Variants in ZNF562 observed in about 807,000 individuals in gnomAD.
ZNF562 encodes the protein zinc finger protein 562.
A neutral mutation model predicts 17.5 loss-of-function variants in ZNF562; 13 were observed. The ratio of observed to expected loss-of-function variants is 0.74; its 90% CI spans 0.48 to 1.18. The LOEUF (loss-of-function observed/expected upper bound fraction) is 1.18. ZNF562 is among the 50% of genes most tolerant of loss of function. The pLI, the probability that ZNF562 is intolerant of heterozygous loss-of-function variation, is 0.00. For missense variants in ZNF562, 481 were observed against 498.5 expected, an observed-to-expected ratio of 0.96 and a Z score of 0.33; for synonymous variants, 163 against 165.4, an observed-to-expected ratio of 0.99 and a Z score of 0.11.
At chr19:9,672,571 C>G (rs1342911602) in intron 1 of ZNF562, among the ~76,000 whole-genome samples, 1 of 151,948 alleles carries the variant, frequency 6.6e-6, no homozygotes, top group Non-Finnish European at 1.5e-5. Context: ...CAAACATGCT[C>G]TTAATAAATT....
intron 5 of ZNF562, 47 bp from the exon 6 acceptor site, chr19:9,653,928 G>T (rs372967021): frequency 2.4e-4 from 346 of 1,471,572 alleles, no homozygotes; most frequent in Non-Finnish European, 2.9e-4. Context: ...CATATTAAGA[G>T]ATTTCACCCA....
rs2043949657 is a variant in ZNF562 at position 9,666,210 on chromosome 19, C to T, written c.-130-5336G>A. 1.3e-5 allele frequency among the ~76,000 whole-genome samples: 2 copies of T among 151,292 alleles called. 1 individual carries two copies. Among genetic ancestry groups the T allele is most frequent in the South Asian group, 4.2e-4 (2 of 4,792 alleles). On this transcript the variant is annotated intron_variant, in intron 1 of 5. Coordinates refer to ENST00000453372, the MANE Select transcript of ZNF562 (RefSeq NM_001130031.2). Reference sequence around the variant, plus strand: ...ATGGTGGTGCATGCCTGTAATCCCACTACTCGGGAGGCTGAAGCAGGAGAA... The same window carrying T: ...ATGGTGGTGCATGCCTGTAATCCCATTACTCGGGAGGCTGAAGCAGGAGAA...
intron 1 of ZNF562, among the ~76,000 whole-genome samples, chr19:9,671,745 C>T (rs118046014): frequency 0.017 from 2,602 of 152,328 alleles, 33 homozygotes; most frequent in Non-Finnish European, 0.026. Context: ...CCGGCATGCA[C>T]CAACAGAAGA....
intron 5 of ZNF562, among the ~76,000 whole-genome samples, chr19:9,655,635 G>T (rs548043355): frequency 3.7e-4 from 56 of 149,422 alleles, no homozygotes; most frequent in Non-Finnish European, 7.4e-4. Flanking sequence ...GGTCAGGCTG[G>T]TCTCAAAGTG....
At chr19:9,662,738 G>C (rs1160380622) in intron 1 of ZNF562, among the ~76,000 whole-genome samples, 1 of 151,928 alleles carries the variant, frequency 6.6e-6, no homozygotes, top group African/African-American at 2.4e-5. Flanking sequence ...AAATTAGCCA[G>C]TTGTGGTGTT....
rs976223492 is a variant in ZNF562, at chr19:9,642,013, G to A, written c.*10936C>T. Reference sequence around the variant, plus strand: ...AGGATGTTACAAAGTACATTCACAAGGGCGGGGAGGGTGTATCATCACAAG... The same window carrying A: ...AGGATGTTACAAAGTACATTCACAAAGGCGGGGAGGGTGTATCATCACAAG... On this transcript the variant is annotated 3_prime_UTR_variant, in exon 6 of 6. Coordinates refer to ENST00000453372, the MANE Select transcript of ZNF562 (RefSeq NM_001130031.2). 4 of 151,746 alleles carry A rather than the reference G, an allele frequency of 2.6e-5. No individual in the cohort carries two copies. The highest frequency in any genetic ancestry group is 9.7e-5 in the African/African-American group (4 of 41,268). 9.4% of individuals were successfully genotyped at this position (151,746 alleles called of 1,614,324 possible). A position where few individuals can be genotyped will look rare whatever the true frequency, so the allele number is the denominator to read the frequency against.
At position 9,643,139 on chromosome 19, in the gene ZNF562, G is replaced by T. The variant is rs1353937487; in HGVS notation, c.*9810C>A. Reference sequence around the variant, plus strand: ...GGTTGAATCAGGCTGAATCAGGGGGGTCTCAGGAGTTCAAGACCATCCTGG... The same window carrying T: ...GGTTGAATCAGGCTGAATCAGGGGGTTCTCAGGAGTTCAAGACCATCCTGG... On this transcript the variant is annotated 3_prime_UTR_variant, in exon 6 of 6. Coordinates refer to ENST00000453372, the MANE Select transcript of ZNF562 (RefSeq NM_001130031.2). The T allele has an allele frequency of 1.3e-5, 2 of 151,822 alleles. No homozygotes were observed. The highest frequency in any genetic ancestry group is 6.6e-5 in the Admixed American group (1 of 15,220). 9.4% of individuals were successfully genotyped at this position (151,822 alleles called of 1,614,324 possible).
At chr19:9,665,219 T>TAA (rs1175383402) in intron 1 of ZNF562, among the ~76,000 whole-genome samples, 3,363 of 109,410 alleles carry the variant, frequency 0.031, 130 homozygotes, top group African/African-American at 0.1. Flanking sequence ...AGACTCTGTC[T>TAA]AAAAAAAAAA....
rs765727978 is a variant in ZNF562, at chr19:9,653,682, T to C, written c.548A>G (p.Lys183Arg). Residue 183 changes from lysine (K) to arginine (R), a missense_variant, in exon 6 of 6, where the codon AAA (lysine) becomes AGA (arginine). Around this residue, in one of 2 missense-constraint regions of ZNF562, gnomAD observed 403 missense variants for 386.4 expected, o/e 1.04. Transcript: ENST00000453372. ...QELSKFNPCG[K>R]VFTLTPGLAV... is the part of the protein sequence containing the mutation. ...AAGGCCTGGAGTTAAGGTGAAGACT[T>C]TTCCACATGGATTAAATTTGGAAAG... 1 of 1,614,102 alleles carries C rather than the reference T, an allele frequency of 6.2e-7. No individual in the cohort carries two copies.
chr19:9,671,938 A>G (rs1568284684), intron 1 of ZNF562, among the ~76,000 whole-genome samples: 1 of 152,244 alleles, frequency 6.6e-6, no homozygotes, highest in Non-Finnish European at 1.5e-5. Context: ...TGGTCCCCAA[A>G]GCATGAAGTA....
intron 4 of ZNF562, 141 bp downstream of exon 4, chr19:9,657,868 T>C: frequency 8.3e-7 from 1 of 1,204,052 alleles, no homozygotes; most frequent in South Asian, 2.1e-5. Context: ...CTTAGGATTT[T>C]TTTTTAGAGA....
At chr19:9,655,151 C>T (rs540591838) in intron 5 of ZNF562, among the ~76,000 whole-genome samples, 20 of 151,870 alleles carry the variant, frequency 1.3e-4, no homozygotes, top group Admixed American at 2.6e-4. Flanking sequence ...CCAACGTGCC[C>T]GGCTAATTTT....
At position 9,647,083 on chromosome 19, in the gene ZNF562, GTCT is replaced by G. The variant is rs1355330199; in HGVS notation, c.*5863_*5865del. ...GTGAAGCACCGTGCCCAACCTAGTTGTCTTTTTTTTTTTTTTTGAGACGGATTC... is the reference window on the plus strand; with the variant it reads ...GTGAAGCACCGTGCCCAACCTAGTTGTTTTTTTTTTTTTTGAGACGGATTC... On this transcript the variant is annotated 3_prime_UTR_variant, in exon 6 of 6. Coordinates refer to ENST00000453372, the MANE Select transcript of ZNF562 (RefSeq NM_001130031.2). The G allele has an allele frequency of 7.5e-6, 1 of 133,622 alleles. No homozygotes were observed. Among genetic ancestry groups the G allele is most frequent in the Non-Finnish European group, 1.6e-5 (1 of 63,872 alleles). 8.3% of individuals were successfully genotyped at this position (133,622 alleles called of 1,614,324 possible).
chr19:9,674,902 C>A (rs2044352011), intron 1 of ZNF562, 113 bp downstream of exon 1: 1 of 152,346 alleles, frequency 6.6e-6, no homozygotes, highest in Non-Finnish European at 1.5e-5. Flanking sequence ...CTGACAGCCC[C>A]TAGAAAAGCG....
intron 1 of ZNF562, among the ~76,000 whole-genome samples, chr19:9,673,337 T>C (rs1243819234): frequency 4.6e-5 from 7 of 152,180 alleles, no homozygotes; most frequent in African/African-American, 1.7e-4. Flanking sequence ...CTCACCCTTC[T>C]ATAGAAATAA....
Position 9,652,838 on chromosome 19 carries a change from G to A in ZNF562, c.*111C>T. Reference sequence around the variant, plus strand: ...AATTCTTTCATGCATACTTAGGCATGAGGAAAGAGCAAATGCTTTCCCAAA... The same window carrying A: ...AATTCTTTCATGCATACTTAGGCATAAGGAAAGAGCAAATGCTTTCCCAAA... On this transcript the variant is annotated 3_prime_UTR_variant, in exon 6 of 6. Transcript: ENST00000453372. 1 of 982,934 alleles carries A rather than the reference G, an allele frequency of 1.0e-6. No homozygotes were observed. The allele number at this position is 982,934 out of a possible 1,614,324, so 60.9% of individuals were successfully genotyped here.
At chr19:9,654,564 C>T (rs563765431) in intron 5 of ZNF562, among the ~76,000 whole-genome samples, 17 of 152,158 alleles carry the variant, frequency 1.1e-4, no homozygotes, top group African/African-American at 1.4e-4. Flanking sequence ...TGGGTTCAAG[C>T]GGTTCTTCTG....
chr19:9,672,659 T>C (rs1487627251), intron 1 of ZNF562, among the ~76,000 whole-genome samples: 2 of 152,148 alleles, frequency 1.3e-5, no homozygotes, highest in Non-Finnish European at 2.9e-5. Context: ...CTAGTGTCAG[T>C]GTAATAAAGC....
intron 1 of ZNF562, among the ~76,000 whole-genome samples, chr19:9,673,910 G>A (rs2044302144): frequency 6.6e-6 from 1 of 152,108 alleles, no homozygotes. Flanking sequence ...GGGAGGCTGA[G>A]GCAGGTGAAT....
Sources: allele counts gnomAD v4.1 joint callset (sites outside exome capture counted in the v4.1 genomes callset), GRCh38; gene constraint gnomAD v4.1.1; regional missense constraint gnomAD v4.1.1; transcripts MANE v1.5; gene names NCBI Gene and HGNC (gene_info 2026-07-23, HGNC 2026-07-21).